The following DGKG variants were observed in gnomAD, a reference collection of about 807,000 sequenced individuals.
DGKG encodes diacylglycerol kinase gamma.
Under a neutral mutation model 105.3 loss-of-function variants are expected in DGKG, and 78 were observed. The observed-to-expected ratio is 0.74, with a 90% CI of 0.62 to 0.89. DGKG has a LOEUF of 0.89. DGKG is among the 40% of genes least tolerant of loss of function. The pLI is 0.00. For missense variants in DGKG, 958 were observed against 1,020.1 expected (o/e 0.94, Z 0.83); for synonymous variants, 346 against 367.1 (o/e 0.94, Z 0.66).
At position 186,227,410 on chromosome 3, in the gene DGKG, G is replaced by A. The variant is rs547237317; in HGVS notation, c.1826+15094C>T. Among the ~76,000 whole-genome samples, 3 of 152,282 alleles carry A rather than the reference G, an allele frequency of 2.0e-5. No individual in the cohort carries two copies. The South Asian group carries it at 6.2e-4, about 32-fold the overall frequency. ...TGAGTAACTTTCCCAATGGCACACA[G>A]TAAGTAAGAGGCAGAGTAAGGGCTG... On this transcript the variant is annotated intron_variant, in intron 20 of 24. Transcript: ENST00000265022.
intron 21 of DGKG, among the ~76,000 whole-genome samples, chr3:186,205,166 AG>A (rs1303776953): frequency 6.7e-6 from 1 of 150,290 alleles, no homozygotes; most frequent in African/African-American, 2.4e-5. Context: ...CTGAGGCGGG[AG>A]AATCACTTGA....
chr3:186,294,357 T>A (rs1369806009), intron 5 of DGKG, among the ~76,000 whole-genome samples: 2 of 151,898 alleles, frequency 1.3e-5, no homozygotes, highest in East Asian at 3.9e-4. Context: ...CCAGATAAAA[T>A]AAACCCTGTC....
intron 16 of DGKG, 22 bp from the exon 17 acceptor site, chr3:186,257,961 A>G (rs1238363359): frequency 6.3e-7 from 1 of 1,587,284 alleles, no homozygotes; most frequent in Non-Finnish European, 8.7e-7. Flanking sequence ...AAGAAAGGCC[A>G]AAATGGGCTT....
chr3:186,156,167 TTCCTTAGAAAA>T (rs758414441), intron 24 of DGKG, among the ~76,000 whole-genome samples: 7 of 152,222 alleles, frequency 4.6e-5, no homozygotes, highest in Non-Finnish European at 1.0e-4. Context: ...ATGTCCCTTT[TTCCTTAGAAAA>T]TCCCTGCCCC....
intron 21 of DGKG, among the ~76,000 whole-genome samples, chr3:186,190,217 T>A (rs1717839369): frequency 6.6e-6 from 1 of 152,194 alleles, no homozygotes; most frequent in Non-Finnish European, 1.5e-5. Context: ...TACTACCAGG[T>A]TGTGCCACCT....
intron 17 of DGKG, among the ~76,000 whole-genome samples, chr3:186,253,655 C>G (rs1721328022): frequency 6.6e-6 from 1 of 152,190 alleles, no homozygotes; most frequent in South Asian, 2.1e-4. Flanking sequence ...CGCTCAATCT[C>G]ATCTGACTGC....
chr3:186,353,060 G>A (rs1286155573), intron 1 of DGKG, among the ~76,000 whole-genome samples: 7 of 152,180 alleles, frequency 4.6e-5, no homozygotes, highest in Non-Finnish European at 2.9e-5. Context: ...AACTGGCTTT[G>A]CATACATGGT....
At chr3:186,170,401 C>T (rs2108485316) in intron 22 of DGKG, among the ~76,000 whole-genome samples, 1 of 152,292 alleles carries the variant, frequency 6.6e-6, no homozygotes. Context: ...TCTTAGGCCA[C>T]ACCCCAGACC....
chr3:186,289,770 C>T (rs1222064984), intron 5 of DGKG, among the ~76,000 whole-genome samples: 1 of 152,156 alleles, frequency 6.6e-6, no homozygotes, highest in Non-Finnish European at 1.5e-5. Flanking sequence ...TTATATTATA[C>T]CACCAAGTAA....
intron 1 of DGKG, among the ~76,000 whole-genome samples, chr3:186,344,769 T>C (rs1726249712): frequency 6.6e-6 from 1 of 152,196 alleles, no homozygotes; most frequent in Non-Finnish European, 1.5e-5. Context: ...AATAAGTCAA[T>C]AAAATTCATT....
chr3:186,168,544 C>T (rs567605141), intron 22 of DGKG, among the ~76,000 whole-genome samples: 1 of 152,306 alleles, frequency 6.6e-6, no homozygotes, highest in South Asian at 2.1e-4. Flanking sequence ...CTCAGTGGCA[C>T]TCATCATAAT....
Position 186,320,271 on chromosome 3 carries a change from A to G in DGKG, c.67+122T>C, listed in dbSNP as rs1047186449. On this transcript the variant is annotated intron_variant, in intron 2 of 24. Transcript: ENST00000265022. ...TAATTCTGTGTTTATAAGGAAATAT[A>G]AGCCGTCAGGCCTGACATCATTCTT... The G allele has an allele frequency of 2.6e-6, 3 of 1,151,486 alleles. No individual in the cohort carries two copies. The African/African-American group carries it at 4.7e-5, about 18-fold the overall frequency. The allele number at this position is 1,151,486 out of a possible 1,614,324, so 71.3% of individuals were successfully genotyped here. A position where few individuals can be genotyped will look rare whatever the true frequency, so the allele number is the denominator to read the frequency against.
chr3:186,321,724 G>A (rs890899823), intron 1 of DGKG, among the ~76,000 whole-genome samples: 2 of 152,226 alleles, frequency 1.3e-5, no homozygotes, highest in Non-Finnish European at 2.9e-5. Context: ...ATTCTCTGGG[G>A]AAATGTGTAG....
At chr3:186,335,502 T>C (rs977252387) in intron 1 of DGKG, among the ~76,000 whole-genome samples, 4 of 152,240 alleles carry the variant, frequency 2.6e-5, no homozygotes, top group African/African-American at 9.6e-5. Flanking sequence ...CATTTTAGGC[T>C]GGGGAATGCC....
chr3:186,322,300 T>C (rs1302976492), intron 1 of DGKG, among the ~76,000 whole-genome samples: 1 of 152,124 alleles, frequency 6.6e-6, no homozygotes, highest in Non-Finnish European at 1.5e-5. Context: ...CTGGAGGACA[T>C]TATCCTAAGT....
At chr3:186,151,176 A>G (rs1440411031) in intron 24 of DGKG, among the ~76,000 whole-genome samples, 1 of 152,262 alleles carries the variant, frequency 6.6e-6, no homozygotes, top group Non-Finnish European at 1.5e-5. Context: ...AGATCAAAGA[A>G]TAGATTGTCA....
intron 1 of DGKG, among the ~76,000 whole-genome samples, chr3:186,323,170 T>C (rs184358595): frequency 3.6e-4 from 55 of 152,324 alleles, no homozygotes; most frequent in African/African-American, 1.3e-3. Context: ...TAGAATAAGA[T>C]GTAATCTTCT....
At chr3:186,260,585 T>C in intron 15 of DGKG, 72 bp from the exon 16 acceptor site, 2 of 1,168,170 alleles carry the variant, frequency 1.7e-6, no homozygotes, top group Non-Finnish European at 2.5e-6. Flanking sequence ...GAAGTCACAT[T>C]AGGGCAAACA....
At chr3:186,252,069 G>A (rs983246201) in intron 18 of DGKG, 150 bp from the exon 19 acceptor site, 10 of 658,808 alleles carry the variant, frequency 1.5e-5, no homozygotes, top group Middle Eastern at 4.5e-4. Flanking sequence ...TACGTTCCCC[G>A]AGCCACAGAG....
Sources: gnomAD v4.1 joint callset for allele counts (sites outside exome capture counted in the v4.1 genomes callset) on GRCh38, gnomAD v4.1.1 for gene constraint, MANE v1.5 for transcripts, NCBI Gene and HGNC (gene_info 2026-07-23, HGNC 2026-07-21) for gene names.